LYZ: variants seen among roughly 807,000 people sequenced by gnomAD.
LYZ encodes lysozyme C.
LYZ carries 18 observed loss-of-function variants against 15.8 expected under a neutral mutation model. That is an observed-to-expected ratio of 1.14 (90% confidence interval 0.79 to 1.69). The LOEUF is 1.69. LYZ is among the 40% of genes most tolerant of loss of function. LYZ has a pLI of 0.00. For synonymous variants in LYZ, 60 were observed against 61.7 expected, an observed-to-expected ratio of 0.97 and a Z score of 0.13; for missense variants, 139 against 182.8, an observed-to-expected ratio of 0.76 and a Z score of 1.38.
In LYZ at chr12:69,352,268, T is replaced by C; in HGVS notation, c.350T>C (p.Val117Ala). 6.2e-7 allele frequency: 1 copy of C among 1,613,978 alleles called. No homozygotes were observed. Among genetic ancestry groups the C allele is most frequent in the Non-Finnish European group, 8.5e-7 (1 of 1,179,886 alleles). The change falls in exon 3 of 4, where the codon GTT becomes GCT. Residue 117 changes from valine to alanine, a missense_variant. Transcript: ENST00000261267. ...IADAVACAKR[V>A]VRDPQGIRAW... ...GATGCTGTAGCTTGTGCAAAGAGGGTTGTCCGTGATCCACAAGGCATTAGA... is the reference window on the plus strand; with the variant it reads ...GATGCTGTAGCTTGTGCAAAGAGGGCTGTCCGTGATCCACAAGGCATTAGA...
At chr12:69,352,395 C>A in intron 3 of LYZ, 97 bp downstream of exon 3, 1 of 900,610 alleles carries the variant, frequency 1.1e-6, no homozygotes, top group Non-Finnish European at 1.8e-6. Flanking sequence ...CTAATGACAC[C>A]TCAAAATTGC....
At chr12:69,351,853 A>G (rs77917676) in intron 2 of LYZ, among the ~76,000 whole-genome samples, 2,819 of 152,284 alleles carry the variant, frequency 0.019, 103 homozygotes, top group African/African-American at 0.064. Flanking sequence ...AATTGCTATG[A>G]ATAGCTTTTT....
chr12:69,352,328 A>C, intron 3 of LYZ, 30 bp downstream of exon 3: 1 of 1,527,734 alleles, frequency 6.5e-7, no homozygotes, highest in Non-Finnish European at 9.1e-7. Flanking sequence ...AGGGAAAACT[A>C]TCTTACTCTA....
rs1874893563 is a variant in LYZ, at chr12:69,353,531, C to T, written c.*312C>T. On this transcript the variant is annotated 3_prime_UTR_variant, in exon 4 of 4. Transcript: ENST00000261267. ...TTTGAGACAGTCTCGCTCTGTCGCC[C>T]AGGCTGGAGTGCAGTGGCGCAATCT... The T allele has an allele frequency of 2.1e-5, 6 of 285,322 alleles. No homozygotes were observed. The highest frequency in any genetic ancestry group is 1.6e-4 in the South Asian group (5 of 30,996). The allele number at this position is 285,322 out of a possible 1,614,324, so 17.7% of individuals were successfully genotyped here.
Position 69,348,510 on chromosome 12 carries a change from A to C in LYZ, c.102A>C (p.Gly34=). 2 of 1,614,226 alleles carry C rather than the reference A, an allele frequency of 1.2e-6. No homozygotes were observed. Among genetic ancestry groups the C allele is most frequent in the Non-Finnish European group, 1.7e-6 (2 of 1,180,032 alleles). The change falls in exon 1 of 4, where the codon GGA becomes GGC. Residue 34 remains glycine, a synonymous_variant. Coordinates refer to ENST00000261267, the MANE Select transcript of LYZ (RefSeq NM_000239.3). ...CELARTLKRL[G]MDGYRGISLA... The stretch of plus-strand genomic sequence containing the variant: ...TGGCCAGAACTCTGAAAAGATTGGG[A>C]ATGGATGGCTACAGGGGAATCAGCC...
intron 2 of LYZ, among the ~76,000 whole-genome samples, chr12:69,351,674 C>A (rs1336949423): frequency 6.6e-6 from 1 of 151,960 alleles, no homozygotes; most frequent in African/African-American, 2.4e-5. Flanking sequence ...TCAGCAAATA[C>A]AAATCGGTTT....
chr12:69,349,750 G>T (rs1175681052), intron 1 of LYZ, among the ~76,000 whole-genome samples: 1 of 152,140 alleles, frequency 6.6e-6, no homozygotes, highest in African/African-American at 2.4e-5. Flanking sequence ...ATCAGCCTAT[G>T]TATCTGCTAT....
rs1874892288 is a variant in LYZ, at chr12:69,353,508, T to TTTTTTTTTTTTTTA, written c.*289_*290insTTTTTTTTTTTTTA. 1 of 422,378 alleles carries TTTTTTTTTTTTTTA rather than the reference T, an allele frequency of 2.4e-6. No individual in the cohort carries two copies. The highest frequency in any genetic ancestry group is 2.1e-5 in the African/African-American group (1 of 47,802). The allele number at this position is 422,378 out of a possible 1,614,324, so 26.2% of individuals were successfully genotyped here. On this transcript the variant is annotated 3_prime_UTR_variant, in exon 4 of 4. Coordinates refer to ENST00000261267, the MANE Select transcript of LYZ (RefSeq NM_000239.3). ...CAGTACATTCCGTTCTTTTTTTTTTTGAGACAGTCTCGCTCTGTCGCCCAG... is the reference window on the plus strand; with the variant it reads ...CAGTACATTCCGTTCTTTTTTTTTTTTTTTTTTTTTTTTAGAGACAGTCTCGCTCTGTCGCCCAG...
chr12:69,348,728 C>G (rs879859906), intron 1 of LYZ, among the ~76,000 whole-genome samples, 184 bp downstream of exon 1: 1 of 152,114 alleles, frequency 6.6e-6, no homozygotes, highest in African/African-American at 2.4e-5. Context: ...TAAAGGAATA[C>G]GGGCATGGCA....
intron 2 of LYZ, chr12:69,350,481 T>G: frequency 1.8e-6 from 1 of 551,330 alleles, no homozygotes. Context: ...TATACAGAAG[T>G]TTCTGGAATG....
intron 2 of LYZ, among the ~76,000 whole-genome samples, chr12:69,350,737 C>CTTTTTTTTTTTT (rs60163961): frequency 3.1e-4 from 8 of 26,012 alleles, no homozygotes; most frequent in African/African-American, 6.1e-4. Context: ...TCTTCTATGC[C>CTTTTTTTTTTTT]TTTTTTTTTT....
Position 69,350,128 on chromosome 12 carries a change from G to A in LYZ, c.157G>A (p.Glu53Lys). The A allele has an allele frequency of 6.2e-7, 1 of 1,614,128 alleles. No homozygotes were observed. Among genetic ancestry groups the A allele is most frequent in the Non-Finnish European group, 8.5e-7 (1 of 1,180,014 alleles). The change falls in exon 2 of 4, where the codon GAG becomes AAG. Residue 53 changes from glutamate to lysine, a missense_variant. Transcript: ENST00000261267. ...TTCAGGGATGTGTTTGGCCAAATGG[G>A]AGAGTGGTTACAACACACGAGCTAC... ...LANWMCLAKWESGYNTRATNY... is the reference protein window; with the variant it reads ...LANWMCLAKWKSGYNTRATNY...
intron 3 of LYZ, 74 bp downstream of exon 3, chr12:69,352,372 A>G: frequency 8.3e-7 from 1 of 1,203,554 alleles, no homozygotes; most frequent in Non-Finnish European, 1.2e-6. Flanking sequence ...AGACTTTTAA[A>G]GACCAAAGTA....
In LYZ at chr12:69,354,140, T is replaced by G. The variant is rs1874913167; in HGVS notation, c.*921T>G. 1 of 152,226 alleles carries G rather than the reference T, an allele frequency of 6.6e-6. No individual in the cohort carries two copies. Among genetic ancestry groups the G allele is most frequent in the Non-Finnish European group, 1.5e-5 (1 of 68,040 alleles). 9.4% of individuals were successfully genotyped at this position (152,226 alleles called of 1,614,324 possible). A position where few individuals can be genotyped will look rare whatever the true frequency, so the allele number is the denominator to read the frequency against. ...ATGATTAAATCTGAGGCAGATGAGCTTACAAGTATTGAAATAATTACTAAT... is the reference window on the plus strand; with the variant it reads ...ATGATTAAATCTGAGGCAGATGAGCGTACAAGTATTGAAATAATTACTAAT... On this transcript the variant is annotated 3_prime_UTR_variant, in exon 4 of 4. Coordinates refer to ENST00000261267, the MANE Select transcript of LYZ (RefSeq NM_000239.3).
At chr12:69,349,359 G>A (rs1447436597) in intron 1 of LYZ, among the ~76,000 whole-genome samples, 5 of 152,134 alleles carry the variant, frequency 3.3e-5, no homozygotes, top group African/African-American at 1.2e-4. Flanking sequence ...CCCTACACAA[G>A]AGCAGTAGGA....
chr12:69,348,995 TTTTTA>T (rs1159874220), intron 1 of LYZ, among the ~76,000 whole-genome samples: 1 of 151,946 alleles, frequency 6.6e-6, no homozygotes, highest in Non-Finnish European at 1.5e-5. Flanking sequence ...TTTATTTTTA[TTTTTA>T]TTTTATTTTA....
chr12:69,350,847 G>C (rs1467786042), intron 2 of LYZ, among the ~76,000 whole-genome samples: 1 of 144,822 alleles, frequency 6.9e-6, no homozygotes, highest in Non-Finnish European at 1.5e-5. Flanking sequence ...TAGTGCAGTG[G>C]CACCATCACA....
rs1592841554 is a variant in LYZ at position 69,353,931 on chromosome 12, C to T, written c.*712C>T. 1.3e-5 allele frequency: 2 copies of T among 152,330 alleles called. No homozygotes were observed. The highest frequency in any genetic ancestry group is 3.9e-4 in the East Asian group (2 of 5,190). 9.4% of individuals were successfully genotyped at this position (152,330 alleles called of 1,614,324 possible). On this transcript the variant is annotated 3_prime_UTR_variant, in exon 4 of 4. Transcript: ENST00000261267. Reference sequence around the variant, plus strand: ...AGCTGATGAAGGCATCTGATGCCTTCATCTGTTCAGTCATCTCCAAAAACA... The same window carrying T: ...AGCTGATGAAGGCATCTGATGCCTTTATCTGTTCAGTCATCTCCAAAAACA...
chr12:69,350,331 C>CA (rs778931771), intron 2 of LYZ, 59 bp downstream of exon 2: 192 of 1,573,256 alleles, frequency 1.2e-4, no homozygotes, highest in Non-Finnish European at 1.5e-4. Flanking sequence ...AGACTCAATA[C>CA]AAATGAAAAA....
Sources: allele counts gnomAD v4.1 joint callset (sites outside exome capture counted in the v4.1 genomes callset), GRCh38; gene constraint gnomAD v4.1.1; transcripts MANE v1.5; gene names NCBI Gene and HGNC (gene_info 2026-07-23, HGNC 2026-07-21).